SNAP47: variants seen among roughly 807,000 people sequenced by gnomAD.
SNAP47 encodes synaptosomal-associated protein 47.
SNAP47 carries 20 observed loss-of-function variants against 31.4 expected under a neutral mutation model. The ratio of observed to expected loss-of-function variants is 0.64; its 90% CI spans 0.45 to 0.93. The LOEUF is 0.93. Among genes scored for constraint, SNAP47 ranks in the 40% least tolerant of loss-of-function variants. SNAP47 has a pLI of 0.00. For synonymous variants in SNAP47, 194 were observed against 213.4 expected, an observed-to-expected ratio of 0.91 and a Z score of 0.79; for missense variants, 492 against 528.5, an observed-to-expected ratio of 0.93 and a Z score of 0.68.
At chr1:227,732,523 T>C (rs1245816707), upstream of SNAP47, 5 of 1,613,390 alleles carry the variant, frequency 3.1e-6, no homozygotes, top group Non-Finnish European at 3.4e-6. Flanking sequence ...ACCTCTGTGA[T>C]GCGCCCAACA....
intron 3 of SNAP47, among the ~76,000 whole-genome samples, chr1:227,764,651 A>G (rs556554729): frequency 6.6e-5 from 10 of 152,182 alleles, no homozygotes; most frequent in South Asian, 2.1e-4. Context: ...CACACCTGCA[A>G]TCCCAGCAGT....
intron 4 of SNAP47, among the ~76,000 whole-genome samples, chr1:227,771,832 G>T (rs567520274): frequency 6.6e-6 from 1 of 152,198 alleles, no homozygotes; most frequent in African/African-American, 2.4e-5. Flanking sequence ...CAGCCCTTGG[G>T]GTCCCAGATG....
At chr1:227,754,461 G>A (rs767594935) in intron 2 of SNAP47, among the ~76,000 whole-genome samples, 9 of 152,196 alleles carry the variant, frequency 5.9e-5, no homozygotes, top group Non-Finnish European at 1.3e-4. Context: ...CCGTAAGGGT[G>A]GAGCCCTAGC....
intron 4 of SNAP47, chr1:227,776,539 A>G (rs553126779): frequency 7.9e-5 from 78 of 985,360 alleles, no homozygotes; most frequent in Non-Finnish European, 2.2e-5. Flanking sequence ...ATCCTGCACA[A>G]TGGCTAGATG....
rs559026742 is a variant in SNAP47, at chr1:227,768,891, C to T, written c.1113+1808C>T. Reference sequence around the variant, plus strand: ...CTCCCACACCCCACAAAGGTGTCCACGGCCGAGATACTCACTGTATCCCAC... The same window carrying T: ...CTCCCACACCCCACAAAGGTGTCCATGGCCGAGATACTCACTGTATCCCAC... On this transcript the variant is annotated intron_variant, in intron 4 of 4. Coordinates refer to ENST00000617596, the MANE Select transcript of SNAP47 (RefSeq NM_053052.4). 2.2e-4 allele frequency among the ~76,000 whole-genome samples: 33 copies of T among 152,356 alleles called. 1 individual carries two copies. Among genetic ancestry groups the T allele is most frequent in the Non-Finnish European group, 4.6e-4 (31 of 68,030 alleles).
At chr1:227,772,607 G>A (rs1191667776) in intron 4 of SNAP47, among the ~76,000 whole-genome samples, 1 of 152,118 alleles carries the variant, frequency 6.6e-6, no homozygotes, top group African/African-American at 2.4e-5. Context: ...GTACACAGTG[G>A]TCCTCTTATT....
At chr1:227,733,519 G>A (rs538931497), upstream of SNAP47, 1 of 1,602,270 alleles carries the variant, frequency 6.2e-7, no homozygotes, top group Non-Finnish European at 8.5e-7. Flanking sequence ...GTGGGTGCAG[G>A]TGTGTGTCGC....
At position 227,748,186 on chromosome 1, in the gene SNAP47, C is replaced by G; in HGVS notation, c.450C>G (p.Val150=). Residue 150 remains valine (V), a synonymous_variant, in exon 2 of 5, where the codon GTC becomes GTG. Coordinates refer to ENST00000617596, the MANE Select transcript of SNAP47 (RefSeq NM_053052.4). ...LHHQGQQLDS[V]MRGLDKMESD... is the part of the protein sequence containing the mutation. ...ACCAGGGCCAGCAGCTGGACAGCGT[C>G]ATGAGAGGCCTGGACAAGATGGAGT... The G allele has an allele frequency of 6.2e-7, 1 of 1,608,842 alleles. No individual in the cohort carries two copies. Among genetic ancestry groups the G allele is most frequent in the Non-Finnish European group, 8.5e-7 (1 of 1,177,700 alleles).
intron 4 of SNAP47, among the ~76,000 whole-genome samples, chr1:227,775,477 G>A (rs979972288): frequency 1.3e-5 from 2 of 152,172 alleles, no homozygotes; most frequent in African/African-American, 4.8e-5. Flanking sequence ...CTCCGGCGTC[G>A]CGAGGCGAGC....
chr1:227,752,358 CTCAT>C (rs1392542122), intron 2 of SNAP47, among the ~76,000 whole-genome samples: 1 of 152,148 alleles, frequency 6.6e-6, no homozygotes, highest in Non-Finnish European at 1.5e-5. Context: ...CTGCCCAGAG[CTCAT>C]TCATCCCGTA....
intron 1 of SNAP47, chr1:227,746,923 A>G (rs1042297662): frequency 3.3e-5 from 5 of 152,148 alleles, no homozygotes; most frequent in African/African-American, 9.7e-5. Flanking sequence ...TTAACCTTAC[A>G]TTATCTGTAC....
chr1:227,772,264 G>A (rs1158978204), intron 4 of SNAP47, among the ~76,000 whole-genome samples: 1 of 152,112 alleles, frequency 6.6e-6, no homozygotes, highest in Non-Finnish European at 1.5e-5. Flanking sequence ...GTACAATTCA[G>A]TGGAGTTAAT....
intron 2 of SNAP47, among the ~76,000 whole-genome samples, chr1:227,754,259 G>T (rs537828626): frequency 1.1e-4 from 17 of 152,324 alleles, no homozygotes; most frequent in African/African-American, 3.1e-4. Flanking sequence ...CATTCCTCTT[G>T]ACATCCAGCT....
chr1:227,755,111 C>G (rs1662613254), intron 2 of SNAP47, among the ~76,000 whole-genome samples: 1 of 152,220 alleles, frequency 6.6e-6, no homozygotes, highest in African/African-American at 2.4e-5. Context: ...TCTGTCATCT[C>G]TAAGTGCGGC....
At chr1:227,756,964 A>G (rs1017614184) in intron 2 of SNAP47, among the ~76,000 whole-genome samples, 1 of 152,196 alleles carries the variant, frequency 6.6e-6, no homozygotes, top group African/African-American at 2.4e-5. Context: ...GTTCACCTCG[A>G]TCTCACTTTT....
chr1:227,764,562 G>A (rs1663266713), intron 3 of SNAP47, among the ~76,000 whole-genome samples: 1 of 152,116 alleles, frequency 6.6e-6, no homozygotes, highest in Non-Finnish European at 1.5e-5. Context: ...GGGTGCAGGA[G>A]GACGAGACCA....
chr1:227,767,947 C>A (rs1245569797), intron 4 of SNAP47, among the ~76,000 whole-genome samples: 2 of 152,228 alleles, frequency 1.3e-5, no homozygotes, highest in Non-Finnish European at 2.9e-5. Context: ...TGTAAATACT[C>A]CTATCTTGTC....
At position 227,767,050 on chromosome 1, in the gene SNAP47, CCTTT is replaced by C. The variant is rs779858848; in HGVS notation, c.1083_1086del (p.Ser362ArgfsTer7). ...TGCACCTGCAGACAAGCCTGCCAGC[CCTTT>C]CTGAGGCAGATACCCAGGAACTAAC... On this transcript the variant is annotated frameshift_variant, in exon 4 of 5. Transcript: ENST00000617596. LOFTEE classifies it high-confidence loss of function. The C allele has an allele frequency of 6.2e-7, 1 of 1,614,096 alleles. No homozygotes were observed. Among genetic ancestry groups the C allele is most frequent in the South Asian group, 1.1e-5 (1 of 91,082 alleles).
upstream of SNAP47, chr1:227,733,513 G>T (rs1351263499): frequency 1.2e-6 from 2 of 1,600,722 alleles, no homozygotes; most frequent in Admixed American, 3.5e-5. Context: ...GGTTCCGTGG[G>T]TGCAGGTGTG....
Sources: allele counts gnomAD v4.1 joint callset (sites outside exome capture counted in the v4.1 genomes callset), GRCh38; gene constraint gnomAD v4.1.1; transcripts MANE v1.5; gene names NCBI Gene and HGNC (gene_info 2026-07-23, HGNC 2026-07-21).